MAGI1: variants seen among roughly 807,000 people sequenced by gnomAD.
The protein encoded by MAGI1 is membrane associated guanylate kinase, WW and PDZ domain containing 1, also known as membrane-associated guanylate kinase, WW and PDZ domain-containing protein 1.
Under a neutral mutation model 139.9 loss-of-function variants are expected in MAGI1, and 58 were observed. The observed-to-expected ratio is 0.41, with a 90% CI of 0.34 to 0.52. The LOEUF is 0.52. MAGI1 is among the 20% of genes least tolerant of loss of function. MAGI1 has a pLI of 0.12. For missense variants in MAGI1, 1,874 were observed against 1,901.6 expected, an observed-to-expected ratio of 0.99 and a Z score of 0.27; for synonymous variants, 812 against 737.9, an observed-to-expected ratio of 1.10 and a Z score of -1.63.
chr3:65,507,000 T>C (rs532235371), intron 2 of MAGI1, among the ~76,000 whole-genome samples: 8 of 152,154 alleles, frequency 5.3e-5, no homozygotes, highest in Non-Finnish European at 1.0e-4. Flanking sequence ...GTAAATTTTA[T>C]TTTCACTCCC....
intron 1 of MAGI1, among the ~76,000 whole-genome samples, chr3:65,903,393 A>C (rs1375904288): frequency 6.6e-6 from 1 of 152,158 alleles, no homozygotes; most frequent in African/African-American, 2.4e-5. Flanking sequence ...ACTGTGGGCA[A>C]GTAACTTCTC....
intron 1 of MAGI1, among the ~76,000 whole-genome samples, chr3:65,735,674 A>G (rs2034662681): frequency 6.6e-6 from 1 of 152,174 alleles, no homozygotes; most frequent in Admixed American, 6.5e-5. Context: ...AGTTATCATT[A>G]TTATCAACAA....
intron 3 of MAGI1, among the ~76,000 whole-genome samples, chr3:65,491,327 A>C (rs1484452308): frequency 1.3e-5 from 2 of 152,160 alleles, no homozygotes; most frequent in African/African-American, 4.8e-5. Flanking sequence ...GCAATGATAA[A>C]ATTAAATGAG....
chr3:65,484,137 A>C (rs893694853), intron 3 of MAGI1, among the ~76,000 whole-genome samples: 1 of 152,364 alleles, frequency 6.6e-6, no homozygotes, highest in African/African-American at 2.4e-5. Context: ...GCAAACAATT[A>C]AATTACATTA....
At chr3:65,597,515 C>A (rs1270452995) in intron 2 of MAGI1, among the ~76,000 whole-genome samples, 4 of 151,930 alleles carry the variant, frequency 2.6e-5, no homozygotes, top group Non-Finnish European at 4.4e-5. Flanking sequence ...CCCCCTCCCC[C>A]TTCCTCCCAG....
At chr3:65,621,823 A>G in intron 2 of MAGI1, 149 bp downstream of exon 2, 1 of 608,264 alleles carries the variant, frequency 1.6e-6, no homozygotes, top group Non-Finnish European at 2.9e-6. Flanking sequence ...CTGTTATTGA[A>G]TTATGATTTG....
chr3:65,527,040 G>A (rs902066094), intron 2 of MAGI1, among the ~76,000 whole-genome samples: 2 of 152,228 alleles, frequency 1.3e-5, no homozygotes, highest in Non-Finnish European at 2.9e-5. Context: ...ATTTTAGGAA[G>A]GCTAAGATTC....
chr3:65,851,296 A>T (rs2059193210), intron 1 of MAGI1, among the ~76,000 whole-genome samples: 1 of 152,214 alleles, frequency 6.6e-6, no homozygotes, highest in South Asian at 2.1e-4. Context: ...AGTGCTCTGC[A>T]TATTAACAAG....
intron 1 of MAGI1, among the ~76,000 whole-genome samples, chr3:65,912,130 A>T (rs1399970751): frequency 6.6e-6 from 1 of 151,922 alleles, no homozygotes; most frequent in East Asian, 1.9e-4. Flanking sequence ...TAGATATGAA[A>T]CTCTGCCCAC....
chr3:65,581,199 G>A (rs2081405354), intron 2 of MAGI1, among the ~76,000 whole-genome samples: 1 of 152,018 alleles, frequency 6.6e-6, no homozygotes, highest in African/African-American at 2.4e-5. Flanking sequence ...AGAGCATCCA[G>A]AATCATTCTT....
chr3:65,643,405 G>A (rs145640058), intron 1 of MAGI1, among the ~76,000 whole-genome samples: 1 of 152,082 alleles, frequency 6.6e-6, no homozygotes, highest in African/African-American at 2.4e-5. Flanking sequence ...AATAAAGAGG[G>A]TGACACTTCC....
At chr3:65,461,629 C>T (rs1220273765) in intron 5 of MAGI1, among the ~76,000 whole-genome samples, 3 of 151,662 alleles carry the variant, frequency 2.0e-5, no homozygotes, top group East Asian at 2.0e-4. Flanking sequence ...GCTGGGACTA[C>T]AGGCGCCCGC....
chr3:65,654,054 A>T (rs919077660), intron 1 of MAGI1, among the ~76,000 whole-genome samples: 5 of 152,188 alleles, frequency 3.3e-5, no homozygotes, highest in African/African-American at 1.2e-4. Context: ...TTTGATTCTC[A>T]ATACTTTCAT....
At chr3:65,500,725 A>G (rs2077047659) in intron 2 of MAGI1, among the ~76,000 whole-genome samples, 1 of 152,202 alleles carries the variant, frequency 6.6e-6, no homozygotes, top group Non-Finnish European at 1.5e-5. Flanking sequence ...AACTGTCCAA[A>G]TGGTCTTATG....
chr3:65,565,779 C>T (rs1001989477), intron 2 of MAGI1, among the ~76,000 whole-genome samples: 1 of 151,140 alleles, frequency 6.6e-6, no homozygotes, highest in Non-Finnish European at 1.5e-5. Context: ...ATTGCTTGAA[C>T]CCAGGAGGCA....
chr3:65,870,263 T>C (rs1478415822), intron 1 of MAGI1, among the ~76,000 whole-genome samples: 1 of 151,538 alleles, frequency 6.6e-6, no homozygotes, highest in Non-Finnish European at 1.5e-5. Context: ...GGATCCAACG[T>C]CAATTCAATA....
chr3:65,960,315 T>C (rs1232647139), intron 1 of MAGI1, among the ~76,000 whole-genome samples: 1 of 152,158 alleles, frequency 6.6e-6, no homozygotes, highest in Non-Finnish European at 1.5e-5. Flanking sequence ...AAGTGATGTC[T>C]AGACAATTCT....
intron 2 of MAGI1, among the ~76,000 whole-genome samples, chr3:65,554,585 CA>C (rs2079999608): frequency 6.6e-6 from 1 of 152,174 alleles, no homozygotes; most frequent in Admixed American, 6.5e-5. Context: ...AACACAACAC[CA>C]AAGTGCTCCA....
At chr3:65,801,836 C>G (rs1159725733) in intron 1 of MAGI1, among the ~76,000 whole-genome samples, 15 of 152,162 alleles carry the variant, frequency 9.9e-5, no homozygotes, top group African/African-American at 3.1e-4. Flanking sequence ...GGGCCACAGA[C>G]TGCTACCAGT....
Sources: gnomAD v4.1 joint callset for allele counts (sites outside exome capture counted in the v4.1 genomes callset) on GRCh38, gnomAD v4.1.1 for gene constraint, MANE v1.5 for transcripts, NCBI Gene and HGNC (gene_info 2026-07-23, HGNC 2026-07-21) for gene names.